The following ALMS1 variants were observed in gnomAD, a reference collection of about 807,000 sequenced individuals.
ALMS1 encodes centrosome-associated protein ALMS1.
Under a neutral mutation model 352.2 loss-of-function variants are expected in ALMS1, and 271 were observed. That is an observed-to-expected ratio of 0.77 (90% CI 0.70 to 0.85). The LOEUF is 0.85. Ranked by LOEUF, ALMS1 falls within the 40% of genes least tolerant of loss-of-function variation. The pLI is 0.00. For missense variants in ALMS1, 5,445 were observed against 4,870.7 expected (o/e 1.12, Z -3.51); for synonymous variants, 1,865 against 1,761.2 (o/e 1.06, Z -1.48).
At chr2:73,570,196 T>C (rs958247198) in intron 15 of ALMS1, among the ~76,000 whole-genome samples, 1 of 152,176 alleles carries the variant, frequency 6.6e-6, no homozygotes, top group Admixed American at 6.5e-5. Flanking sequence ...GAAGGTACAG[T>C]TGTCAAGGAG....
intron 12 of ALMS1, among the ~76,000 whole-genome samples, chr2:73,535,568 A>G (rs1443250818): frequency 1.3e-5 from 2 of 152,154 alleles, no homozygotes; most frequent in African/African-American, 4.8e-5. Flanking sequence ...AGAACATAGC[A>G]CTATCTGATG....
chr2:73,435,075 T>A (rs1671580612), intron 7 of ALMS1, among the ~76,000 whole-genome samples: 2 of 152,224 alleles, frequency 1.3e-5, no homozygotes, highest in East Asian at 1.9e-4. Context: ...CTCTTATGGT[T>A]GCTGTTTGTA....
At chr2:73,475,883 A>C (rs1480509799) in intron 9 of ALMS1, among the ~76,000 whole-genome samples, 4 of 151,956 alleles carry the variant, frequency 2.6e-5, no homozygotes, top group African/African-American at 4.8e-5. Context: ...TAAAATTTTT[A>C]TTTTTTTAAT....
rs1488614800 is a variant in ALMS1, at chr2:73,490,757, G to A, written c.8798G>A (p.Cys2933Tyr). The change falls in exon 10 of 23, where the codon TGC (cysteine) becomes TAC (tyrosine). Residue 2933 changes from cysteine to tyrosine, a missense_variant. By Grantham distance (194) the Cys-to-Tyr change is radical. Transcript: ENST00000613296. ...GAACAACGAGAACTCTTTGAACAGT[G>A]CAAAGCCCCATATGTAGATCATCAA... ...FLEQRELFEQCKAPYVDHQMR... is the reference protein window; with the variant it reads ...FLEQRELFEQYKAPYVDHQMR... The A allele has an allele frequency of 1.2e-6, 2 of 1,613,932 alleles. No homozygotes were observed. The highest frequency in any genetic ancestry group is 2.7e-5 in the African/African-American group (2 of 74,886).
At position 73,602,201 on chromosome 2, in the gene ALMS1, A is replaced by G. The variant is rs993631169; in HGVS notation, c.12131A>G (p.His4044Arg). 6.2e-7 allele frequency: 1 copy of G among 1,613,902 alleles called. No individual in the cohort carries two copies. The highest frequency in any genetic ancestry group is 8.5e-7 in the Non-Finnish European group (1 of 1,179,950). The change falls in exon 20 of 23, where the codon CAC becomes CGC. Residue 4044 changes from histidine to arginine, a missense_variant. His to Arg is a conservative substitution (Grantham distance 29). Coordinates refer to ENST00000613296, the MANE Select transcript of ALMS1 (RefSeq NM_001378454.1). ...RATLQESLQFHRPDFISRSGE... is the reference protein window; with the variant it reads ...RATLQESLQFRRPDFISRSGE... ...TTCTTTTAGGAATCGCTTCAGTTTCACAGACCTGACTTCATCTCCCGCTCT... is the reference window on the plus strand; with the variant it reads ...TTCTTTTAGGAATCGCTTCAGTTTCGCAGACCTGACTTCATCTCCCGCTCT...
At chr2:73,464,688 TA>T (rs1220215512) in intron 9 of ALMS1, among the ~76,000 whole-genome samples, 2 of 152,174 alleles carry the variant, frequency 1.3e-5, no homozygotes, top group Non-Finnish European at 2.9e-5. Flanking sequence ...ATTGTATATC[TA>T]GAAAACCCCG....
chr2:73,387,754 G>C (rs1021068305), intron 1 of ALMS1, among the ~76,000 whole-genome samples: 2 of 152,202 alleles, frequency 1.3e-5, no homozygotes, highest in Admixed American at 1.3e-4. Context: ...TGGAACAGCT[G>C]TGATAGCAAG....
At chr2:73,606,026 G>C (rs991184077) in intron 21 of ALMS1, among the ~76,000 whole-genome samples, 4 of 152,212 alleles carry the variant, frequency 2.6e-5, no homozygotes, top group Non-Finnish European at 5.9e-5. Context: ...TGGGACAGCA[G>C]ACTTAATACA....
chr2:73,595,622 C>A (rs1036638294), intron 16 of ALMS1, among the ~76,000 whole-genome samples: 1 of 152,116 alleles, frequency 6.6e-6, no homozygotes. Flanking sequence ...TGTGGGCATA[C>A]ATTTTCATTT....
At chr2:73,473,920 A>AAGAGAG (rs35028203) in intron 9 of ALMS1, among the ~76,000 whole-genome samples, 2 of 148,562 alleles carry the variant, frequency 1.3e-5, no homozygotes, top group Non-Finnish European at 3.0e-5. Context: ...TCTTAGAGGG[A>AAGAGAG]AGAGAGAGAG....
intron 1 of ALMS1, among the ~76,000 whole-genome samples, chr2:73,397,947 G>A (rs544300543): frequency 1.3e-5 from 2 of 152,262 alleles, no homozygotes; most frequent in Admixed American, 6.5e-5. Context: ...TCTTTTGACA[G>A]TGTTTTTCAC....
intron 10 of ALMS1, among the ~76,000 whole-genome samples, chr2:73,515,327 C>G (rs563174443): frequency 6.6e-6 from 1 of 152,058 alleles, no homozygotes; most frequent in Non-Finnish European, 1.5e-5. Flanking sequence ...CTTTTGCTCT[C>G]AATATATTAA....
Position 73,451,507 on chromosome 2 carries a change from A to G in ALMS1, c.4980A>G (p.Val1660=), listed in dbSNP as rs2103784707. ...ACCAGAAGACTGAGACATTACCAGT[A>G]CATTCTACTAGCTACTCAAATAGGG... ...PADQKTETLP[V]HSTSYSNRGK... is the part of the protein sequence containing the mutation. Residue 1660 remains valine, a synonymous_variant, in exon 8 of 23, where the codon GTA becomes GTG. Coordinates refer to ENST00000613296, the MANE Select transcript of ALMS1 (RefSeq NM_001378454.1). The G allele has an allele frequency of 6.2e-7, 1 of 1,613,916 alleles. No homozygotes were observed. Among genetic ancestry groups the G allele is most frequent in the Non-Finnish European group, 8.5e-7 (1 of 1,179,948 alleles).
chr2:73,448,764 C>G lies in ALMS1; in HGVS notation c.2237C>G (p.Thr746Ser). 6.2e-7 allele frequency: 1 copy of G among 1,613,892 alleles called. No individual in the cohort carries two copies. The highest frequency in any genetic ancestry group is 8.5e-7 in the Non-Finnish European group (1 of 1,179,858). ...TEETLTKVSA[T>S]PGPADQKTEI... ...GAGACTCTTACTAAAGTTTCAGCCA[C>G]TCCTGGACCAGCTGACCAGAAGACT... The change falls in exon 8 of 23, where the codon ACT (threonine) becomes AGT (serine). Residue 746 changes from threonine (T) to serine (S), a missense_variant. Transcript: ENST00000613296.
chr2:73,528,526 T>A (rs1379719755), intron 11 of ALMS1, among the ~76,000 whole-genome samples: 1 of 152,242 alleles, frequency 6.6e-6, no homozygotes, highest in Non-Finnish European at 1.5e-5. Context: ...TTTTGTCTGA[T>A]ATGAGTATAG....
chr2:73,602,490 C>G (rs1457271310), intron 20 of ALMS1, 122 bp downstream of exon 20: 75 of 1,177,908 alleles, frequency 6.4e-5, no homozygotes, highest in Non-Finnish European at 9.0e-5. Context: ...TGACCTTTTG[C>G]TTGCCAAGAC....
intron 7 of ALMS1, among the ~76,000 whole-genome samples, chr2:73,447,656 C>G (rs1245972261): frequency 2.0e-5 from 3 of 152,122 alleles, no homozygotes; most frequent in African/African-American, 7.2e-5. Context: ...ATCCTAGACC[C>G]AATAGCATTA....
In ALMS1 at chr2:73,534,942, C is replaced by A. The variant is rs748755413; in HGVS notation, c.9900C>A (p.Ser3300=). The change falls in exon 12 of 23, where the codon TCC becomes TCA. Residue 3300 remains serine, a synonymous_variant. Coordinates refer to ENST00000613296, the MANE Select transcript of ALMS1 (RefSeq NM_001378454.1). Reference sequence around the variant, plus strand: ...AATCAGATACCACCGTTGAAAGCTCCCATTCAGGTATTATGCAGAAATTAT... The same window carrying A: ...AATCAGATACCACCGTTGAAAGCTCACATTCAGGTATTATGCAGAAATTAT... The part of the protein sequence containing the change: ...DSKSDTTVES[S]HSGSNDAIAP... The A allele has an allele frequency of 1.9e-6, 3 of 1,613,568 alleles. No homozygotes were observed. The highest frequency in any genetic ancestry group is 2.5e-6 in the Non-Finnish European group (3 of 1,179,750).
chr2:73,525,283 T>C (rs1249297097), intron 11 of ALMS1, among the ~76,000 whole-genome samples: 1 of 152,238 alleles, frequency 6.6e-6, no homozygotes, highest in African/African-American at 2.4e-5. Context: ...ATTTTGGTTA[T>C]ATACCTAGCA....
Sources: gnomAD v4.1 joint callset for allele counts (sites outside exome capture counted in the v4.1 genomes callset) on GRCh38, gnomAD v4.1.1 for gene constraint, MANE v1.5 for transcripts, NCBI Gene and HGNC (gene_info 2026-07-23, HGNC 2026-07-21) for gene names.